WDFY3: variants seen among roughly 807,000 people sequenced by gnomAD.
The protein encoded by WDFY3 is WD repeat and FYVE domain containing 3.
Under a neutral mutation model 409.6 loss-of-function variants are expected in WDFY3, and 66 were observed. The ratio of observed to expected loss-of-function variants is 0.16; its 90% CI spans 0.13 to 0.20. The LOEUF is 0.20. Ranked by LOEUF, WDFY3 falls within the 10% of genes least tolerant of loss-of-function variation. The probability of loss-of-function intolerance (pLI) is 1.00; values close to 1 mark genes in which losing one functional copy is unlikely to be tolerated. For missense variants in WDFY3, 3,031 were observed against 4,298.1 expected, an observed-to-expected ratio of 0.71 and a Z score of 8.24; for synonymous variants, 1,521 against 1,537.1, an observed-to-expected ratio of 0.99 and a Z score of 0.25.
chr4:84,695,235 G>C (rs1729890114), intron 58 of WDFY3, among the ~76,000 whole-genome samples: 1 of 152,088 alleles, frequency 6.6e-6, no homozygotes. Context: ...TACAGTATCT[G>C]GGTGCTGAGA....
chr4:84,795,404 AAAC>A (rs1240101276), intron 19 of WDFY3, among the ~76,000 whole-genome samples: 4 of 152,140 alleles, frequency 2.6e-5, no homozygotes, highest in Non-Finnish European at 5.9e-5. Context: ...AATATTCTTA[AAAC>A]ACAGAGGTTT....
chr4:84,820,408 G>A (rs1356495985), intron 11 of WDFY3, among the ~76,000 whole-genome samples: 7 of 152,054 alleles, frequency 4.6e-5, no homozygotes, highest in Admixed American at 1.3e-4. Context: ...GCAAGTGGCC[G>A]TTATCCAATA....
chr4:84,932,928 T>C (rs1277058690), intron 1 of WDFY3, among the ~76,000 whole-genome samples: 1 of 152,172 alleles, frequency 6.6e-6, no homozygotes, highest in Non-Finnish European at 1.5e-5. Flanking sequence ...TTTCCTTTCA[T>C]TTACCAGTCA....
At chr4:84,738,988 C>T in intron 40 of WDFY3, 22 bp downstream of exon 40, 1 of 1,610,492 alleles carries the variant, frequency 6.2e-7, no homozygotes, top group Non-Finnish European at 8.5e-7. Context: ...AATTTAAAAA[C>T]ATCCCAAGTC....
At chr4:84,920,784 A>G (rs927199309) in intron 2 of WDFY3, among the ~76,000 whole-genome samples, 9 of 152,170 alleles carry the variant, frequency 5.9e-5, no homozygotes, top group African/African-American at 2.2e-4. Context: ...TTCCGGTTCT[A>G]TAACTCCCAC....
intron 25 of WDFY3, 74 bp from the exon 26 acceptor site, chr4:84,780,372 A>G: frequency 7.2e-7 from 1 of 1,383,416 alleles, no homozygotes; most frequent in Non-Finnish European, 9.6e-7. Context: ...TCATCTTGAA[A>G]AGTTTTTTAA....
chr4:84,761,771 A>T (rs1742647888), intron 32 of WDFY3, among the ~76,000 whole-genome samples: 1 of 152,164 alleles, frequency 6.6e-6, no homozygotes, highest in African/African-American at 2.4e-5. Context: ...TACAAGAAAA[A>T]AACAAACAAC....
chr4:84,752,814 A>T (rs1395208940), intron 35 of WDFY3, among the ~76,000 whole-genome samples: 1 of 152,178 alleles, frequency 6.6e-6, no homozygotes, highest in Non-Finnish European at 1.5e-5. Context: ...ACTATGGAGG[A>T]ATAACTATCT....
chr4:84,834,567 C>G (rs757391309), intron 7 of WDFY3, among the ~76,000 whole-genome samples: 1 of 152,100 alleles, frequency 6.6e-6, no homozygotes, highest in Non-Finnish European at 1.5e-5. Context: ...ACAAAAATCG[C>G]TTGAACCCAA....
At chr4:84,698,378 G>A (rs550383772) in intron 56 of WDFY3, among the ~76,000 whole-genome samples, 1 of 151,086 alleles carries the variant, frequency 6.6e-6, no homozygotes, top group East Asian at 2.0e-4. Context: ...TTGAGCTCCT[G>A]GCCTCAAGTG....
chr4:84,850,734 C>T (rs999916085), intron 4 of WDFY3, among the ~76,000 whole-genome samples: 5 of 151,944 alleles, frequency 3.3e-5, no homozygotes, highest in African/African-American at 9.7e-5. Context: ...CCCAGGCTGA[C>T]GTCAGAATTC....
chr4:84,939,169 G>T (rs538310379), intron 1 of WDFY3, among the ~76,000 whole-genome samples: 1 of 151,898 alleles, frequency 6.6e-6, no homozygotes, highest in Non-Finnish European at 1.5e-5. Context: ...CTTTTTTAAG[G>T]ACCACAGTTC....
At chr4:84,775,526 A>G (rs1745404649) in intron 27 of WDFY3, among the ~76,000 whole-genome samples, 1 of 151,988 alleles carries the variant, frequency 6.6e-6, no homozygotes, top group African/African-American at 2.4e-5. Context: ...TCCGAAAAAA[A>G]ATTCAATAAA....
intron 46 of WDFY3, among the ~76,000 whole-genome samples, chr4:84,722,797 C>T (rs894877573): frequency 6.6e-6 from 1 of 152,194 alleles, no homozygotes; most frequent in African/African-American, 2.4e-5. Context: ...AAGCACAAGT[C>T]AGCCTGAGTC....
In WDFY3 at chr4:84,757,078, C is replaced by G; in HGVS notation, c.5272G>C (p.Val1758Leu). The G allele has an allele frequency of 6.2e-7, 1 of 1,614,034 alleles. No individual in the cohort carries two copies. Among genetic ancestry groups the G allele is most frequent in the Non-Finnish European group, 8.5e-7 (1 of 1,179,960 alleles). ...RDACHFPGFP[V>L]LQSFLPKHTN... ...TGTTTAGGAAGGAATGACTGAAGGA[C>G]TGGAAAACCAGGAAAATGACAAGCA... The change falls in exon 33 of 68, where the codon GTC (valine) becomes CTC (leucine). Residue 1758 changes from valine (V) to leucine (L), a missense_variant. Around this residue, in one of 16 missense-constraint regions of WDFY3, gnomAD observed 342 missense variants for 463.7 expected, o/e 0.74. Transcript: ENST00000295888.
At chr4:84,919,555 T>C (rs1768976221) in intron 2 of WDFY3, among the ~76,000 whole-genome samples, 1 of 152,126 alleles carries the variant, frequency 6.6e-6, no homozygotes, top group African/African-American at 2.4e-5. Context: ...CCACATGTCA[T>C]GGGAGGGACC....
intron 63 of WDFY3, 116 bp downstream of exon 63, chr4:84,683,827 G>A (rs1168072858): frequency 2.6e-5 from 29 of 1,102,906 alleles, no homozygotes; most frequent in South Asian, 9.9e-5. Flanking sequence ...GAGCTGGAGC[G>A]AGAGTTCACT....
rs1225438790 is a variant in WDFY3, at chr4:84,820,014, G to A, written c.1693+71C>T. The A allele has an allele frequency of 3.1e-6, 4 of 1,311,140 alleles. No homozygotes were observed. In the East Asian group the frequency reaches 7.6e-5, roughly 25 times the overall value. The allele number at this position is 1,311,140 out of a possible 1,614,324, so 81.2% of individuals were successfully genotyped here. On this transcript the variant is annotated intron_variant, in intron 12 of 67. Transcript: ENST00000295888. ...CTAAAGTGACAGGAAGATTTCAGAA[G>A]CAAGAATAACCACAGAAGATGTAAT... is the stretch of plus-strand genomic sequence containing the variant.
chr4:84,769,563 T>C (rs1194268257), intron 30 of WDFY3, among the ~76,000 whole-genome samples: 1 of 151,926 alleles, frequency 6.6e-6, no homozygotes, highest in African/African-American at 2.4e-5. Context: ...TACAGGTGAC[T>C]GCCACCATGC....
Sources: gnomAD v4.1 joint callset for allele counts (sites outside exome capture counted in the v4.1 genomes callset) on GRCh38, gnomAD v4.1.1 for gene constraint, gnomAD v4.1.1 regional missense constraint, MANE v1.5 for transcripts, NCBI Gene and HGNC (gene_info 2026-07-23, HGNC 2026-07-21) for gene names.